Variants in CSMD2 observed in about 807,000 individuals in gnomAD.
The protein encoded by CSMD2 is CUB and sushi domain-containing protein 2.
Under a neutral mutation model 398.5 loss-of-function variants are expected in CSMD2, and 130 were observed. The ratio of observed to expected loss-of-function variants is 0.33; its 90% CI spans 0.28 to 0.38. CSMD2 has a LOEUF of 0.38. CSMD2 is among the 10% of genes least tolerant of loss of function. The probability of loss-of-function intolerance (pLI) is 1.00; values close to 1 mark genes in which losing one functional copy is unlikely to be tolerated. For synonymous variants in CSMD2, 1,828 were observed against 1,908.5 expected, an observed-to-expected ratio of 0.96 and a Z score of 1.10; for missense variants, 3,829 against 4,764.9, an observed-to-expected ratio of 0.80 and a Z score of 5.78.
intron 5 of CSMD2, among the ~76,000 whole-genome samples, chr1:33,903,828 T>C (rs1160791917): frequency 6.6e-6 from 1 of 152,254 alleles, no homozygotes; most frequent in Non-Finnish European, 1.5e-5. Flanking sequence ...TTTCTAAAGA[T>C]AGGAAATTTA....
intron 37 of CSMD2, among the ~76,000 whole-genome samples, chr1:33,621,885 C>T (rs1050622734): frequency 1.2e-4 from 18 of 152,142 alleles, no homozygotes; most frequent in African/African-American, 4.1e-4. Context: ...TCTTACATCC[C>T]AATTATATAC....
chr1:33,876,749 T>C (rs897620541), intron 5 of CSMD2, among the ~76,000 whole-genome samples: 1 of 152,108 alleles, frequency 6.6e-6, no homozygotes, highest in Non-Finnish European at 1.5e-5. Context: ...CCACTCTAAG[T>C]GCTCCAGATC....
At chr1:33,679,231 C>G (rs1229446880) in intron 25 of CSMD2, among the ~76,000 whole-genome samples, 1 of 115,326 alleles carries the variant, frequency 8.7e-6, no homozygotes, top group Non-Finnish European at 1.7e-5. Flanking sequence ...GAGATAGAGT[C>G]TTGCTCTGTC....
At chr1:33,981,469 T>C (rs1646163840) in intron 3 of CSMD2, among the ~76,000 whole-genome samples, 1 of 152,210 alleles carries the variant, frequency 6.6e-6, no homozygotes, top group East Asian at 1.9e-4. Flanking sequence ...TAGTAGCTTA[T>C]AATTGAGTAT....
Position 33,772,579 on chromosome 1 carries a change from T to C in CSMD2, c.1836A>G (p.Pro612=), listed in dbSNP as rs1426157792. 1 of 1,613,348 alleles carries C rather than the reference T, an allele frequency of 6.2e-7. No individual in the cohort carries two copies. Among genetic ancestry groups the C allele is most frequent in the Non-Finnish European group, 8.5e-7 (1 of 1,179,522 alleles). The change falls in exon 13 of 71, where the codon CCA becomes CCG. Residue 612 remains proline, a synonymous_variant. Transcript: ENST00000373381. The stretch of plus-strand genomic sequence containing the variant: ...TCCCTGCTCACTTACACACGCAGCC[T>C]GGCTTCTTAGCCGACCATTGGTTAT... ...QKNNQWSAKK[P]GCVFSCFFNF...
chr1:34,004,154 C>T lies in CSMD2; in HGVS notation c.517+28440G>A, dbSNP rs905889507. Among the ~76,000 whole-genome samples, 6 of 152,222 alleles carry T rather than the reference C, an allele frequency of 3.9e-5. 1 individual carries two copies. Among genetic ancestry groups the T allele is most frequent in the Admixed American group, 3.3e-4 (5 of 15,294 alleles). Reference sequence around the variant, plus strand: ...CTGGGGAAATATAATCTCTCTCTTTCTCTAGGATCATGTGAATCCAAAGCT... The same window carrying T: ...CTGGGGAAATATAATCTCTCTCTTTTTCTAGGATCATGTGAATCCAAAGCT... On this transcript the variant is annotated intron_variant, in intron 3 of 70. Transcript: ENST00000373381.
Position 33,572,651 on chromosome 1 carries a change from C to G in CSMD2, c.7617G>C (p.Met2539Ile), listed in dbSNP as rs1351133012. Residue 2539 changes from methionine (M) to isoleucine (I), a missense_variant, in exon 50 of 71, where the codon ATG becomes ATC. Transcript: ENST00000373381. ...CGLPEAPKNG[M>I]VFGKEYTVGT... ...CCACTGTGTACTCCTTGCCAAACACCATTCCATTCTTGGGGGCCTCAGGAA... is the reference window on the plus strand; with the variant it reads ...CCACTGTGTACTCCTTGCCAAACACGATTCCATTCTTGGGGGCCTCAGGAA... 1 of 1,613,628 alleles carries G rather than the reference C, an allele frequency of 6.2e-7. No homozygotes were observed.
chr1:34,085,351 G>A (rs996007685), intron 2 of CSMD2, among the ~76,000 whole-genome samples: 3 of 151,088 alleles, frequency 2.0e-5, no homozygotes, highest in African/African-American at 7.4e-5. Context: ...TGCACGTTGT[G>A]CACATGTACC....
chr1:33,578,109 G>T (rs1207731879), intron 48 of CSMD2, among the ~76,000 whole-genome samples: 1 of 152,184 alleles, frequency 6.6e-6, no homozygotes, highest in East Asian at 1.9e-4. Flanking sequence ...TTTGTGCTGT[G>T]TGGGGGAATG....
At chr1:33,943,637 C>T (rs1005494129) in intron 3 of CSMD2, among the ~76,000 whole-genome samples, 7 of 152,178 alleles carry the variant, frequency 4.6e-5, no homozygotes, top group East Asian at 3.9e-4. Flanking sequence ...GGTTTCCTTG[C>T]GCTTCAATTC....
At chr1:33,629,381 A>G (rs1057087289) in intron 32 of CSMD2, among the ~76,000 whole-genome samples, 2 of 152,232 alleles carry the variant, frequency 1.3e-5, no homozygotes, top group African/African-American at 4.8e-5. Flanking sequence ...GACAGATATC[A>G]GACCAAATAA....
chr1:33,658,669 C>T (rs936383462), intron 26 of CSMD2, among the ~76,000 whole-genome samples: 1 of 151,938 alleles, frequency 6.6e-6, no homozygotes, highest in African/African-American at 2.4e-5. Flanking sequence ...CGAGACCAGC[C>T]TGAGCAACAC....
Position 33,519,899 on chromosome 1 carries a change from G to A in CSMD2, c.10649C>T (p.Ser3550Phe), listed in dbSNP as rs1617468. 1.2e-6 allele frequency: 2 copies of A among 1,614,174 alleles called. No homozygotes were observed. Among genetic ancestry groups the A allele is most frequent in the African/African-American group, 1.3e-5 (1 of 75,034 alleles). ...DPESIGRHFA[S>F]NSSSVAAAIL... is the part of the protein sequence containing the mutation. ...CGCGGCTGCCACTGAGCTGCTGTTGGAAGCAAAGTGGCGGCCAATGGACTC... is the reference window on the plus strand; with the variant it reads ...CGCGGCTGCCACTGAGCTGCTGTTGAAAGCAAAGTGGCGGCCAATGGACTC... Residue 3550 changes from serine (S) to phenylalanine (F), a missense_variant, in exon 69 of 71, where the codon TCC becomes TTC. Coordinates refer to ENST00000373381, the MANE Select transcript of CSMD2 (RefSeq NM_001281956.2). The surrounding 1 kb of genome is among the most constrained non-coding windows in gnomAD (Gnocchi z 5.6).
At chr1:33,970,656 G>T (rs1645728805) in intron 3 of CSMD2, among the ~76,000 whole-genome samples, 1 of 152,204 alleles carries the variant, frequency 6.6e-6, no homozygotes, top group South Asian at 2.1e-4. Context: ...CTCATCCCCA[G>T]CCTTCAGGGC....
At chr1:33,786,335 A>T (rs968302014) in intron 12 of CSMD2, among the ~76,000 whole-genome samples, 1 of 152,204 alleles carries the variant, frequency 6.6e-6, no homozygotes, top group Non-Finnish European at 1.5e-5. Context: ...GAACATCCAT[A>T]GAATTTCTGA....
Position 33,891,274 on chromosome 1 carries a change from T to A in CSMD2, c.920+26820A>T, listed in dbSNP as rs559456726. Among the ~76,000 whole-genome samples, 4 of 151,252 alleles carry A rather than the reference T, an allele frequency of 2.6e-5. No homozygotes were observed. In the East Asian group the frequency reaches 7.7e-4, roughly 29 times the overall value. On this transcript the variant is annotated intron_variant, in intron 5 of 70. Coordinates refer to ENST00000373381, the MANE Select transcript of CSMD2 (RefSeq NM_001281956.2). ...GACATTTCTCAAAAGAAGACATTTATGCAGCCAAAAAACACATGAAAAAAT... is the reference window on the plus strand; with the variant it reads ...GACATTTCTCAAAAGAAGACATTTAAGCAGCCAAAAAACACATGAAAAAAT...
At chr1:33,604,868 T>C (rs1640482894) in intron 42 of CSMD2, among the ~76,000 whole-genome samples, 1 of 151,478 alleles carries the variant, frequency 6.6e-6, no homozygotes, top group South Asian at 2.1e-4. Flanking sequence ...AGCAAGAGAG[T>C]TCTTATAAAG....
At chr1:33,830,976 A>C (rs1450304593) in intron 6 of CSMD2, among the ~76,000 whole-genome samples, 2 of 152,214 alleles carry the variant, frequency 1.3e-5, no homozygotes, top group Non-Finnish European at 2.9e-5. Flanking sequence ...GAATAAAAAG[A>C]AACGAACAAA....
chr1:33,776,443 G>A (rs1372786701), intron 12 of CSMD2, among the ~76,000 whole-genome samples: 1 of 152,200 alleles, frequency 6.6e-6, no homozygotes, highest in East Asian at 1.9e-4. Flanking sequence ...GGAGGTCACA[G>A]TCTTTGCTGA....
Sources: allele counts gnomAD v4.1 joint callset (sites outside exome capture counted in the v4.1 genomes callset), GRCh38; gene constraint gnomAD v4.1.1; non-coding constraint Gnocchi (gnomAD v3.1); transcripts MANE v1.5; gene names NCBI Gene and HGNC (gene_info 2026-07-23, HGNC 2026-07-21).